Variants in STK33 observed in about 807,000 individuals in gnomAD.
The protein encoded by STK33 is serine/threonine kinase 33, also known as serine/threonine-protein kinase 33.
A neutral mutation model predicts 58.0 loss-of-function variants in STK33; 52 were observed. The ratio of observed to expected loss-of-function variants is 0.90; its 90% CI spans 0.72 to 1.13. The LOEUF (loss-of-function observed/expected upper bound fraction) is 1.13. Ranked by LOEUF, STK33 falls within the 50% of genes most tolerant of loss-of-function variation. The pLI, the probability that STK33 is intolerant of heterozygous loss-of-function variation, is 0.00. For missense variants in STK33, 630 were observed against 604.2 expected (o/e 1.04, Z -0.45); for synonymous variants, 215 against 200.1 (o/e 1.07, Z -0.63).
rs533357015 is a variant in STK33 at position 8,483,027 on chromosome 11, G to A, written c.-465-2413C>T. On this transcript the variant is annotated intron_variant, in intron 1 of 15. Transcript: ENST00000687296. The stretch of plus-strand genomic sequence containing the variant: ...ATTACAGAAGTGAGCCAACGCACCC[G>A]GCCAGCAGCAACTATCTTATGTAAT... Among the ~76,000 whole-genome samples, 53 of 152,196 alleles carry A rather than the reference G, an allele frequency of 3.5e-4. No homozygotes were observed. In the South Asian group the frequency reaches 8.3e-3, roughly 24 times the overall value.
At chr11:8,476,089 T>TA (rs1442871092) in intron 4 of STK33, among the ~76,000 whole-genome samples, 1 of 152,218 alleles carries the variant, frequency 6.6e-6, no homozygotes, top group Non-Finnish European at 1.5e-5. Context: ...AAGATATTGC[T>TA]AGTAGTTTAC....
chr11:8,486,101 T>A (rs1203420085), intron 1 of STK33, among the ~76,000 whole-genome samples: 1 of 152,168 alleles, frequency 6.6e-6, no homozygotes, highest in Non-Finnish European at 1.5e-5. Context: ...TCAACCTGAC[T>A]CCAACTAAGC....
intron 1 of STK33, among the ~76,000 whole-genome samples, chr11:8,593,542 A>C (rs73408023): frequency 0.057 from 8,642 of 152,190 alleles, 450 homozygotes; most frequent in African/African-American, 0.14. Context: ...AGAGTTCTTA[A>C]ATTACCTGTC....
the STK33 span, among the ~76,000 whole-genome samples, chr11:8,346,555 G>T: frequency 3.9e-5 from 6 of 152,218 alleles, no homozygotes; most frequent in African/African-American, 1.4e-4. Flanking sequence ...CCAAGAGAAA[G>T]GTGGGGCAGG....
intron 1 of STK33, among the ~76,000 whole-genome samples, chr11:8,550,497 G>C (rs1163947868): frequency 6.6e-6 from 1 of 152,070 alleles, no homozygotes; most frequent in Non-Finnish European, 1.5e-5. Flanking sequence ...GAACTTTCAT[G>C]CTTTGCTTCC....
At chr11:8,563,294 G>GA (rs941826678) in intron 1 of STK33, among the ~76,000 whole-genome samples, 2 of 152,132 alleles carry the variant, frequency 1.3e-5, no homozygotes, top group African/African-American at 4.8e-5. Context: ...CTTCTGGCAA[G>GA]AAGGGATACA....
Position 8,464,827 on chromosome 11 carries a change from A to G in STK33, c.340-5T>C. ...TCTTCCAAAGGTATAGATTTCCTGGAGAAAAAAAAAAAAAGAGTTGTCTCT... is the reference window on the plus strand; with the variant it reads ...TCTTCCAAAGGTATAGATTTCCTGGGGAAAAAAAAAAAAAGAGTTGTCTCT... On this transcript the variant is annotated splice_polypyrimidine_tract_variant and splice_region_variant and intron_variant, in intron 6 of 15. Transcript: ENST00000687296. 1 of 1,533,214 alleles carries G rather than the reference A, an allele frequency of 6.5e-7. No individual in the cohort carries two copies. The allele number at this position is 1,533,214 out of a possible 1,614,324, so 95.0% of individuals were successfully genotyped here. A position where few individuals can be genotyped will look rare whatever the true frequency, so the allele number is the denominator to read the frequency against.
At chr11:8,594,009 G>A (rs1333258023) in intron 1 of STK33, 74 bp downstream of exon 1, 17 of 152,304 alleles carry the variant, frequency 1.1e-4, no homozygotes. Flanking sequence ...GCAACGGCCT[G>A]GCCGGCTGCG....
At chr11:8,374,060 C>T in the STK33 span, among the ~76,000 whole-genome samples, 1 of 152,250 alleles carries the variant, frequency 6.6e-6, no homozygotes, top group African/African-American at 2.4e-5. Flanking sequence ...GTGTGTCTTC[C>T]CAGCTCTCAG....
chr11:8,490,609 ACCT>A (rs773983475), intron 1 of STK33, among the ~76,000 whole-genome samples: 17 of 152,082 alleles, frequency 1.1e-4, no homozygotes, highest in Non-Finnish European at 2.4e-4. Context: ...CGGACAGACT[ACCT>A]CCTCAAGTGG....
At chr11:8,490,336 G>T (rs376008040) in intron 1 of STK33, among the ~76,000 whole-genome samples, 12 of 152,326 alleles carry the variant, frequency 7.9e-5, no homozygotes, top group East Asian at 7.7e-4. Flanking sequence ...GTCTGAGAAG[G>T]ATCTGTGAGG....
intron 15 of STK33, among the ~76,000 whole-genome samples, chr11:8,406,669 G>A (rs899696552): frequency 8.5e-5 from 13 of 152,148 alleles, no homozygotes; most frequent in African/African-American, 1.2e-4. Flanking sequence ...TGTTCACTGC[G>A]AATATATAAC....
rs527709605 is a variant in STK33 at position 8,447,153 on chromosome 11, T to C, written c.871+5669A>G. Among the ~76,000 whole-genome samples, 204 of 151,576 alleles carry C rather than the reference T, an allele frequency of 1.3e-3. 1 individual carries two copies. The highest frequency in any genetic ancestry group is 2.4e-4 in the Non-Finnish European group (16 of 67,626). ...ACCCCATCAAAACGTGGGCAAAGGA[T>C]ATGAACAGACACTTTTCAAAAGAAG... On this transcript the variant is annotated intron_variant, in intron 11 of 15. Transcript: ENST00000687296.
At chr11:8,551,277 C>T (rs771460772) in intron 1 of STK33, among the ~76,000 whole-genome samples, 11 of 151,950 alleles carry the variant, frequency 7.2e-5, no homozygotes, top group Non-Finnish European at 1.2e-4. Flanking sequence ...CTATAGGTGC[C>T]TACCACCACA....
intron 1 of STK33, among the ~76,000 whole-genome samples, chr11:8,504,840 A>G (rs1951759222): frequency 1.3e-5 from 2 of 152,164 alleles, no homozygotes; most frequent in Non-Finnish European, 2.9e-5. Context: ...CTTATAATAA[A>G]TGATATAGGA....
chr11:8,428,765 G>A (rs1943070400), intron 14 of STK33, among the ~76,000 whole-genome samples: 1 of 152,098 alleles, frequency 6.6e-6, no homozygotes, highest in Admixed American at 6.6e-5. Context: ...TGAATTAATT[G>A]GGAGGGAAAG....
chr11:8,553,518 C>A (rs1238402176), intron 1 of STK33, among the ~76,000 whole-genome samples: 1 of 151,836 alleles, frequency 6.6e-6, no homozygotes, highest in Non-Finnish European at 1.5e-5. Flanking sequence ...TGATCCATCA[C>A]TGACCAAAAT....
At chr11:8,539,568 T>A (rs1396590542) in intron 1 of STK33, among the ~76,000 whole-genome samples, 1 of 152,166 alleles carries the variant, frequency 6.6e-6, no homozygotes, top group Non-Finnish European at 1.5e-5. Flanking sequence ...GGAGCACCCC[T>A]AAAATACCAA....
chr11:8,474,671 T>C lies in STK33; in HGVS notation c.225+10A>G. The C allele has an allele frequency of 1.3e-6, 2 of 1,590,434 alleles. No homozygotes were observed. Among genetic ancestry groups the C allele is most frequent in the African/African-American group, 1.4e-5 (1 of 73,962 alleles). On this transcript the variant is annotated intron_variant, in intron 5 of 15. Transcript: ENST00000687296. ...AACTTGTGCTTAGATGTGGAATCTTTGATATTTACCAAATCTTTCCTGGAG... is the reference window on the plus strand; with the variant it reads ...AACTTGTGCTTAGATGTGGAATCTTCGATATTTACCAAATCTTTCCTGGAG...
Sources: gnomAD v4.1 joint callset for allele counts (sites outside exome capture counted in the v4.1 genomes callset) on GRCh38, gnomAD v4.1.1 for gene constraint, MANE v1.5 for transcripts, NCBI Gene and HGNC (gene_info 2026-07-23, HGNC 2026-07-21) for gene names.